The following FARS2 variants were observed in gnomAD, a reference collection of about 807,000 sequenced individuals.
FARS2 encodes phenylalanine--tRNA ligase, mitochondrial.
Under a neutral mutation model 46.4 loss-of-function variants are expected in FARS2, and 40 were observed. The ratio of observed to expected loss-of-function variants is 0.86; its 90% CI spans 0.67 to 1.12. The LOEUF (loss-of-function observed/expected upper bound fraction) is 1.12, where lower values mean the gene tolerates loss of function less well. Among genes scored for constraint, FARS2 ranks in the 50% most tolerant of loss-of-function variants. The pLI, the probability that FARS2 is intolerant of heterozygous loss-of-function variation, is 0.00. For missense variants in FARS2, 513 were observed against 567.9 expected, an observed-to-expected ratio of 0.90 and a Z score of 0.98; for synonymous variants, 234 against 214.9, an observed-to-expected ratio of 1.09 and a Z score of -0.78.
At chr6:5,426,023 G>T (rs918200012) in intron 3 of FARS2, among the ~76,000 whole-genome samples, 7 of 151,624 alleles carry the variant, frequency 4.6e-5, no homozygotes, top group South Asian at 4.2e-4. Context: ...CCCAGGTGTG[G>T]TTTTTTTTCC....
intron 4 of FARS2, among the ~76,000 whole-genome samples, chr6:5,438,408 T>C (rs915743617): frequency 1.3e-5 from 2 of 151,898 alleles, no homozygotes; most frequent in Non-Finnish European, 2.9e-5. Context: ...GTTTTTCAGA[T>C]TGGATAATTT....
rs78977919 is a variant in FARS2 at position 5,556,877 on chromosome 6, C to T, written c.1065+11537C>T. On this transcript the variant is annotated intron_variant, in intron 5 of 6. Coordinates refer to ENST00000274680, the MANE Select transcript of FARS2 (RefSeq NM_006567.5). ...TAGCATATTAAACCTTAAATCTTGC[C>T]AACAGTCTATAAAATTTGACAAATT... is the stretch of plus-strand genomic sequence containing the variant. Among the ~76,000 whole-genome samples, 300 of 152,046 alleles carry T rather than the reference C, an allele frequency of 2.0e-3. 3 individuals are homozygous for T. The East Asian group carries it at 0.047, about 24-fold the overall frequency.
chr6:5,450,184 A>G (rs760452152), intron 4 of FARS2, among the ~76,000 whole-genome samples: 11 of 152,156 alleles, frequency 7.2e-5, no homozygotes, highest in Non-Finnish European at 1.5e-4. Flanking sequence ...CAGGTGGGAA[A>G]TATGGTGAGG....
chr6:5,766,246 GT>G (rs1375080030), intron 6 of FARS2, among the ~76,000 whole-genome samples: 3 of 152,204 alleles, frequency 2.0e-5, no homozygotes, highest in African/African-American at 7.2e-5. Context: ...GTGTGCCTGC[GT>G]GAGTTGGGGG....
intron 5 of FARS2, among the ~76,000 whole-genome samples, chr6:5,582,666 T>C (rs574854953): frequency 2.2e-4 from 34 of 152,368 alleles, no homozygotes; most frequent in African/African-American, 7.5e-4. Context: ...ACTCTAAGTT[T>C]GTGTGTATAT....
chr6:5,696,459 T>G (rs1758110397), intron 6 of FARS2, among the ~76,000 whole-genome samples: 1 of 152,208 alleles, frequency 6.6e-6, no homozygotes, highest in South Asian at 2.1e-4. Context: ...GCTCTGGATC[T>G]CATGTGTAGC....
At chr6:5,263,218 C>T (rs1765314494) in intron 1 of FARS2, among the ~76,000 whole-genome samples, 2 of 152,120 alleles carry the variant, frequency 1.3e-5, no homozygotes, top group African/African-American at 2.4e-5. Flanking sequence ...TAATCATTAA[C>T]GTACATAATT....
At chr6:5,414,811 G>GTTTTTTTTTTTTTT (rs35210878) in intron 3 of FARS2, among the ~76,000 whole-genome samples, 1 of 86,680 alleles carries the variant, frequency 1.2e-5, no homozygotes. Flanking sequence ...GTATATGACT[G>GTTTTTTTTTTTTTT]TTTTTTTTTT....
At chr6:5,424,660 A>T (rs1476338317) in intron 3 of FARS2, among the ~76,000 whole-genome samples, 1 of 152,192 alleles carries the variant, frequency 6.6e-6, no homozygotes, top group Admixed American at 6.5e-5. Context: ...GGTCCAGGAG[A>T]TTGGGGTAAG....
rs139491178 is a variant in FARS2, at chr6:5,294,676, T to C, written c.-22+33016T>C. On this transcript the variant is annotated intron_variant, in intron 1 of 6. Transcript: ENST00000274680. Reference sequence around the variant, plus strand: ...ACAGGACTCAGGGGAAAACTTATGATTACTGGTTTTTTATAAAGGATATTG... The same window carrying C: ...ACAGGACTCAGGGGAAAACTTATGACTACTGGTTTTTTATAAAGGATATTG... Among the ~76,000 whole-genome samples, 315 of 152,194 alleles carry C rather than the reference T, an allele frequency of 2.1e-3. 2 individuals carry two copies. The highest frequency in any genetic ancestry group is 7.3e-3 in the African/African-American group (304 of 41,512).
rs563799091 is a variant in FARS2 at position 5,541,095 on chromosome 6, G to A, written c.905-4085G>A. Among the ~76,000 whole-genome samples the A allele has an allele frequency of 2.6e-5, 4 of 152,274 alleles. No individual in the cohort carries two copies. In the East Asian group the frequency reaches 5.8e-4, roughly 22 times the overall value. ...AATATGTAAGAGTTTGCTATGGAACGTCTTAACTTTGTGGGTTTAAATATA... is the reference window on the plus strand; with the variant it reads ...AATATGTAAGAGTTTGCTATGGAACATCTTAACTTTGTGGGTTTAAATATA... On this transcript the variant is annotated intron_variant, in intron 4 of 6. Coordinates refer to ENST00000274680, the MANE Select transcript of FARS2 (RefSeq NM_006567.5).
At chr6:5,273,857 G>A (rs1581665151) in intron 1 of FARS2, among the ~76,000 whole-genome samples, 1 of 152,118 alleles carries the variant, frequency 6.6e-6, no homozygotes, top group African/African-American at 2.4e-5. Context: ...TATATGGTGA[G>A]AGATAGGAAC....
rs948504411 is a variant in FARS2 at position 5,727,525 on chromosome 6, C to G, written c.1218-43766C>G. ...CTGAAGAAAGTGCATTCCGCGGTCT[C>G]CATGTGGTCAGGACTTGGCTCTGTG... On this transcript the variant is annotated intron_variant, in intron 6 of 6. Coordinates refer to ENST00000274680, the MANE Select transcript of FARS2 (RefSeq NM_006567.5). This position sits in a 1 kb window ranked among gnomAD's most constrained non-coding sequence, Gnocchi z 4.1. 2.6e-5 allele frequency among the ~76,000 whole-genome samples: 4 copies of G among 152,202 alleles called. No homozygotes were observed. The highest frequency in any genetic ancestry group is 4.4e-5 in the Non-Finnish European group (3 of 68,038).
At chr6:5,341,211 ATATATATATATATATATATATATATT>A (rs1434516429) in intron 1 of FARS2, among the ~76,000 whole-genome samples, 1 of 5,878 alleles carries the variant, frequency 1.7e-4, no homozygotes, top group African/African-American at 4.8e-4. Context: ...ATATATATAT[ATATATATATATATATATATATATATT>A]TTTTTTTTTT....
At chr6:5,387,471 ACAAAGC>A (rs1017793252) in intron 2 of FARS2, among the ~76,000 whole-genome samples, 5 of 152,206 alleles carry the variant, frequency 3.3e-5, no homozygotes, top group Non-Finnish European at 7.3e-5. Context: ...AAAGAAGAGG[ACAAAGC>A]CAGTTTTTTC....
rs558503343 is a variant in FARS2, at chr6:5,635,861, G to A, written c.1217+22541G>A. ...GTGAGCTGCTGATTTGATGATGGAAGCAAATACCAAGCAGTCACTGTCAGT... is the reference window on the plus strand; with the variant it reads ...GTGAGCTGCTGATTTGATGATGGAAACAAATACCAAGCAGTCACTGTCAGT... On this transcript the variant is annotated intron_variant, in intron 6 of 6. Transcript: ENST00000274680. Among the ~76,000 whole-genome samples, 23 of 152,266 alleles carry A rather than the reference G, an allele frequency of 1.5e-4. No individual in the cohort carries two copies. The East Asian group carries it at 4.4e-3, about 29-fold the overall frequency.
rs572869102 is a variant in FARS2, at chr6:5,491,895, G to A, written c.905-53285G>A. The stretch of plus-strand genomic sequence containing the variant: ...AGAATTTTCATAACACCTACCTCAC[G>A]GTGCTATTGTAAAGATTTTTTTTTT... On this transcript the variant is annotated intron_variant, in intron 4 of 6. Transcript: ENST00000274680. 1.0e-4 allele frequency among the ~76,000 whole-genome samples: 15 copies of A among 148,990 alleles called. No individual in the cohort carries two copies. In the South Asian group the frequency reaches 1.1e-3, roughly 11 times the overall value.
intron 2 of FARS2, among the ~76,000 whole-genome samples, chr6:5,381,834 T>C (rs1318693407): frequency 1.3e-5 from 2 of 152,118 alleles, no homozygotes; most frequent in Non-Finnish European, 2.9e-5. Context: ...AGAGGCAGTG[T>C]AGGAACAGGA....
At chr6:5,590,178 A>G (rs985838920) in intron 5 of FARS2, among the ~76,000 whole-genome samples, 25 of 152,346 alleles carry the variant, frequency 1.6e-4, no homozygotes, top group African/African-American at 5.5e-4. Flanking sequence ...ACTGGATCTC[A>G]GTGCAGGCAA....
Sources: allele counts gnomAD v4.1 joint callset (sites outside exome capture counted in the v4.1 genomes callset), GRCh38; gene constraint gnomAD v4.1.1; non-coding constraint Gnocchi (gnomAD v3.1); transcripts MANE v1.5; gene names NCBI Gene and HGNC (gene_info 2026-07-23, HGNC 2026-07-21).